NR3C1: variants seen among roughly 807,000 people sequenced by gnomAD.
The protein encoded by NR3C1 is glucocorticoid receptor.
In NR3C1, 14 loss-of-function variants were observed where a neutral mutation model predicts 74.0. The ratio of observed to expected loss-of-function variants is 0.19; its 90% CI spans 0.12 to 0.30. The LOEUF (loss-of-function observed/expected upper bound fraction) is 0.30, where lower values mean the gene tolerates loss of function less well. Among genes scored for constraint, NR3C1 ranks in the 10% least tolerant of loss-of-function variants. NR3C1 has a pLI of 1.00. For synonymous variants in NR3C1, 308 were observed against 332.5 expected (o/e 0.93, Z 0.80); for missense variants, 695 against 909.8 (o/e 0.76, Z 3.04).
intron 5 of NR3C1, among the ~76,000 whole-genome samples, chr5:143,299,873 A>T (rs1276698169): frequency 2.0e-5 from 3 of 152,194 alleles, no homozygotes; most frequent in African/African-American, 7.2e-5. Flanking sequence ...AGGTCAGGTT[A>T]CTTTCTTGCT....
At chr5:143,386,846 C>G (rs1479842022) in intron 2 of NR3C1, among the ~76,000 whole-genome samples, 1 of 152,170 alleles carries the variant, frequency 6.6e-6, no homozygotes, top group African/African-American at 2.4e-5. Context: ...TGTGTATAAC[C>G]CAAATCCTCC....
In NR3C1 at chr5:143,340,236, A is replaced by G. The variant is rs190855104; in HGVS notation, c.1185-26068T>C. 1.1e-3 allele frequency among the ~76,000 whole-genome samples: 173 copies of G among 152,298 alleles called. 1 individual carries two copies. The highest frequency in any genetic ancestry group is 4.1e-3 in the African/African-American group (171 of 41,560). On this transcript the variant is annotated intron_variant, in intron 2 of 8. Transcript: ENST00000394464. ...ACTAAATATCTGACTAAATGGAGAGATATACAGTGTTCCTGGATTGGAAGA... is the reference window on the plus strand; with the variant it reads ...ACTAAATATCTGACTAAATGGAGAGGTATACAGTGTTCCTGGATTGGAAGA...
At chr5:143,401,595 TG>T (rs1352315371) in intron 1 of NR3C1, among the ~76,000 whole-genome samples, 11 of 152,232 alleles carry the variant, frequency 7.2e-5, no homozygotes, top group South Asian at 4.1e-4. Context: ...GAAGAGAAGG[TG>T]TAGTAGTTTC....
At chr5:143,425,102 A>G (rs1400336243) in intron 1 of NR3C1, among the ~76,000 whole-genome samples, 4 of 152,194 alleles carry the variant, frequency 2.6e-5, no homozygotes, top group Non-Finnish European at 5.9e-5. Flanking sequence ...CCTACAGTCA[A>G]CTGATTTTTT....
At chr5:143,313,891 T>A in intron 3 of NR3C1, 111 bp downstream of exon 3, 1 of 1,156,088 alleles carries the variant, frequency 8.6e-7, no homozygotes, top group Non-Finnish European at 1.3e-6. Context: ...TCTCCCCTCT[T>A]AACTGATATT....
intron 2 of NR3C1, among the ~76,000 whole-genome samples, chr5:143,365,282 T>C (rs968919830): frequency 6.6e-5 from 10 of 152,154 alleles, no homozygotes; most frequent in East Asian, 1.9e-4. Flanking sequence ...GCAGATCCAA[T>C]TGCTATCTAC....
Position 143,383,704 on chromosome 5 carries a change from C to T in NR3C1, c.1184+15952G>A, listed in dbSNP as rs13360160. ...GCCTGAATTCTAGACTGCAACAGTC[C>T]TCAGCTATGTTATATGGCACACTGG... is the stretch of plus-strand genomic sequence containing the variant. On this transcript the variant is annotated intron_variant, in intron 2 of 8. Coordinates refer to ENST00000394464, the MANE Select transcript of NR3C1 (RefSeq NM_000176.3). 4.4e-3 allele frequency among the ~76,000 whole-genome samples: 666 copies of T among 152,250 alleles called. 2 individuals are homozygous for T. The highest frequency in any genetic ancestry group is 0.015 in the African/African-American group (634 of 41,536).
At chr5:143,319,134 A>C (rs1306696660) in intron 2 of NR3C1, among the ~76,000 whole-genome samples, 1 of 152,180 alleles carries the variant, frequency 6.6e-6, no homozygotes, top group East Asian at 1.9e-4. Context: ...AAAGATTCTA[A>C]ACCAGATAGG....
At chr5:143,405,156 C>A (rs1841026741), upstream of NR3C1, 1 of 985,446 alleles carries the variant, frequency 1.0e-6, no homozygotes, top group South Asian at 4.7e-5. Flanking sequence ...CTACCTTGTG[C>A]GGCACAGATT....
In NR3C1 at chr5:143,403,539, C is replaced by T. The variant is rs1273057868; in HGVS notation, c.-342G>A. The T allele has an allele frequency of 1.0e-6, 1 of 985,650 alleles. No individual in the cohort carries two copies. Among genetic ancestry groups the T allele is most frequent in the Non-Finnish European group, 1.2e-6 (1 of 830,166 alleles). The allele number at this position is 985,650 out of a possible 1,614,324, so 61.1% of individuals were successfully genotyped here. A position where few individuals can be genotyped will look rare whatever the true frequency, so the allele number is the denominator to read the frequency against. On this transcript the variant is annotated 5_prime_UTR_variant, in exon 1 of 9. Transcript: ENST00000394464. ...TTCCACCCACAGAATCCGTCCCCGA[C>T]GGGCAGGCGGTGACTCGGGCTCCCG...
Position 143,400,268 on chromosome 5 carries a change from A to G in NR3C1, c.572T>C (p.Phe191Ser). 1 of 1,598,186 alleles carries G rather than the reference A, an allele frequency of 6.3e-7. No individual in the cohort carries two copies. Among genetic ancestry groups the G allele is most frequent in the Non-Finnish European group, 8.5e-7 (1 of 1,173,502 alleles). The change falls in exon 2 of 9, where the codon TTT (phenylalanine) becomes TCT (serine). Residue 191 changes from phenylalanine (F) to serine (S), a missense_variant. Around this residue, in one of 4 missense-constraint regions of NR3C1, gnomAD observed 497 missense variants for 489.5 expected, o/e 1.02. Transcript: ENST00000394464. ...AAACTCCAAATCCTGCAAAATGTCA[A>G]AGGTGCTTTGGTCTGTGGTATACAA... Reference protein sequence around the residue: ...VKLYTTDQSTFDILQDLEFSS... With the variant: ...VKLYTTDQSTSDILQDLEFSS...
chr5:143,363,510 T>G (rs1473335047), intron 2 of NR3C1, among the ~76,000 whole-genome samples: 1 of 151,918 alleles, frequency 6.6e-6, no homozygotes, highest in Non-Finnish European at 1.5e-5. Flanking sequence ...GAGGTGGAGC[T>G]TGCAGTGAGC....
At chr5:143,356,083 T>C (rs1472079525) in intron 2 of NR3C1, among the ~76,000 whole-genome samples, 5 of 152,230 alleles carry the variant, frequency 3.3e-5, no homozygotes, top group Non-Finnish European at 7.3e-5. Context: ...GTTTTTAATA[T>C]TGCTCCAAAA....
intron 7 of NR3C1, among the ~76,000 whole-genome samples, chr5:143,290,320 G>A (rs1815567320): frequency 6.6e-6 from 1 of 152,134 alleles, no homozygotes; most frequent in African/African-American, 2.4e-5. Context: ...TTTGAGTACC[G>A]TCAATGACTA....
intron 2 of NR3C1, among the ~76,000 whole-genome samples, chr5:143,366,227 G>T (rs1360531901): frequency 6.6e-6 from 1 of 152,104 alleles, no homozygotes; most frequent in Non-Finnish European, 1.5e-5. Flanking sequence ...ACCAAAGCTG[G>T]GTTGGGCACG....
intron 2 of NR3C1, among the ~76,000 whole-genome samples, chr5:143,327,165 G>A (rs1824787441): frequency 6.6e-6 from 1 of 152,126 alleles, no homozygotes; most frequent in Non-Finnish European, 1.5e-5. Context: ...GAGGCCTCAG[G>A]AAACTTATGA....
intron 2 of NR3C1, among the ~76,000 whole-genome samples, chr5:143,365,738 T>C (rs781512081): frequency 3.3e-5 from 5 of 152,162 alleles, no homozygotes; most frequent in Non-Finnish European, 5.9e-5. Flanking sequence ...TCCTCCAGGA[T>C]AGACAATGTA....
chr5:143,345,593 C>G (rs933635807), intron 2 of NR3C1, among the ~76,000 whole-genome samples: 1 of 152,150 alleles, frequency 6.6e-6, no homozygotes, highest in African/African-American at 2.4e-5. Context: ...TTTAAAAATG[C>G]TCAGCAAGCC....
intron 2 of NR3C1, among the ~76,000 whole-genome samples, chr5:143,323,389 T>A (rs1431611683): frequency 2.0e-5 from 3 of 152,150 alleles, no homozygotes; most frequent in Non-Finnish European, 2.9e-5. Context: ...AAACCCCTGA[T>A]AAACCCATGA....
Sources: allele counts gnomAD v4.1 joint callset (sites outside exome capture counted in the v4.1 genomes callset), GRCh38; gene constraint gnomAD v4.1.1; regional missense constraint gnomAD v4.1.1; transcripts MANE v1.5; gene names NCBI Gene and HGNC (gene_info 2026-07-23, HGNC 2026-07-21).